Variants in SUPT3H observed in about 807,000 individuals in gnomAD.
SUPT3H encodes SPT3 homolog, SAGA and STAGA complex component.
A neutral mutation model predicts 44.3 loss-of-function variants in SUPT3H; 44 were observed. The observed-to-expected ratio is 0.99, with a 90% confidence interval of 0.78 to 1.28. The LOEUF is 1.28. SUPT3H is among the 50% of genes most tolerant of loss of function. The pLI is 0.00. For missense variants in SUPT3H, 380 were observed against 387.1 expected (o/e 0.98, Z 0.15); for synonymous variants, 124 against 125.6 (o/e 0.99, Z 0.09).
At chr6:45,268,624 A>G (rs1351789391) in intron 2 of SUPT3H, among the ~76,000 whole-genome samples, 1 of 152,202 alleles carries the variant, frequency 6.6e-6, no homozygotes, top group Non-Finnish European at 1.5e-5. Flanking sequence ...AAAGTAAACT[A>G]CAGCAGAGGC....
intron 11 of SUPT3H, among the ~76,000 whole-genome samples, chr6:44,821,323 C>T (rs1362053504): frequency 2.0e-5 from 3 of 152,088 alleles, no homozygotes; most frequent in Non-Finnish European, 4.4e-5. Flanking sequence ...TTCAAATATA[C>T]CATTAATGTG....
At chr6:45,238,345 C>T (rs1769600926) in intron 2 of SUPT3H, among the ~76,000 whole-genome samples, 1 of 152,146 alleles carries the variant, frequency 6.6e-6, no homozygotes, top group Non-Finnish European at 1.5e-5. Flanking sequence ...AGAAAGTAAC[C>T]ATATGTAGGG....
intron 2 of SUPT3H, among the ~76,000 whole-genome samples, chr6:45,320,271 T>C (rs1481302735): frequency 6.6e-6 from 1 of 152,090 alleles, no homozygotes; most frequent in African/African-American, 2.4e-5. Flanking sequence ...CCCAGGTTTT[T>C]TTTGTTTTTT....
intron 2 of SUPT3H, among the ~76,000 whole-genome samples, chr6:45,210,888 T>TA (rs1162108450): frequency 2.6e-5 from 4 of 152,150 alleles, no homozygotes; most frequent in South Asian, 2.1e-4. Flanking sequence ...GTCTTTCTCT[T>TA]AAAGATCCAA....
At chr6:45,236,533 C>G (rs1270691974) in intron 2 of SUPT3H, among the ~76,000 whole-genome samples, 2 of 152,104 alleles carry the variant, frequency 1.3e-5, no homozygotes, top group African/African-American at 4.8e-5. Context: ...CATCCCTACC[C>G]TTCTGCACCC....
intron 2 of SUPT3H, among the ~76,000 whole-genome samples, chr6:45,107,396 A>G (rs1799434615): frequency 6.6e-6 from 1 of 152,222 alleles, no homozygotes; most frequent in African/African-American, 2.4e-5. Context: ...AGAATCCAAT[A>G]TAACATTGAG....
intron 10 of SUPT3H, among the ~76,000 whole-genome samples, chr6:44,922,733 GA>G (rs777827820): frequency 1.6e-4 from 25 of 152,080 alleles, no homozygotes; most frequent in Non-Finnish European, 3.2e-4. Context: ...AGGTCAACAT[GA>G]GCAACTTAAT....
intron 10 of SUPT3H, among the ~76,000 whole-genome samples, chr6:44,888,408 T>C (rs905560162): frequency 6.6e-6 from 1 of 152,118 alleles, no homozygotes; most frequent in African/African-American, 2.4e-5. Flanking sequence ...ATCAAAAAGC[T>C]TATCCACCAT....
chr6:45,181,278 C>G (rs9369542), intron 2 of SUPT3H, among the ~76,000 whole-genome samples: 82,029 of 138,128 alleles, frequency 0.59, 24,977 homozygotes, highest in African/African-American at 0.72. Context: ...GGACTGTAAA[C>G]TAGTTCAACC....
At chr6:45,278,814 G>A (rs1174638500) in intron 2 of SUPT3H, among the ~76,000 whole-genome samples, 2 of 152,124 alleles carry the variant, frequency 1.3e-5, no homozygotes, top group East Asian at 1.9e-4. Context: ...ACTGGACTGT[G>A]AGCAACAAGC....
chr6:45,346,917 A>G (rs556959643), intron 2 of SUPT3H, among the ~76,000 whole-genome samples: 1 of 152,296 alleles, frequency 6.6e-6, no homozygotes, highest in African/African-American at 2.4e-5. Context: ...AAGTGGATGG[A>G]CAAATAAACA....
chr6:45,201,223 T>A (rs867053245), intron 2 of SUPT3H, among the ~76,000 whole-genome samples: 19 of 151,738 alleles, frequency 1.3e-4, no homozygotes, highest in African/African-American at 3.9e-4. Context: ...AACTGTCTTA[T>A]TTTTTAAAGT....
chr6:45,267,462 A>G (rs919874202), intron 2 of SUPT3H, among the ~76,000 whole-genome samples: 1 of 152,242 alleles, frequency 6.6e-6, no homozygotes, highest in East Asian at 1.9e-4. Flanking sequence ...AATGATCCCA[A>G]TGTTGTCTGC....
At chr6:44,883,402 C>T (rs1778587353) in intron 10 of SUPT3H, among the ~76,000 whole-genome samples, 1 of 152,146 alleles carries the variant, frequency 6.6e-6, no homozygotes, top group Admixed American at 6.5e-5. Context: ...AAAAACATTC[C>T]ATGCTTATGG....
chr6:44,947,715 A>G (rs1773583760), intron 9 of SUPT3H, among the ~76,000 whole-genome samples: 1 of 152,210 alleles, frequency 6.6e-6, no homozygotes. Context: ...AAATAAATCC[A>G]TTTAGATATA....
At chr6:45,355,310 A>T (rs1046826804) in intron 2 of SUPT3H, among the ~76,000 whole-genome samples, 1 of 152,138 alleles carries the variant, frequency 6.6e-6, no homozygotes. Context: ...GGTGTTAATT[A>T]TGAACTTTCT....
At chr6:45,016,175 T>C (rs1475487833) in intron 4 of SUPT3H, among the ~76,000 whole-genome samples, 3 of 152,054 alleles carry the variant, frequency 2.0e-5, no homozygotes, top group Admixed American at 6.6e-5. Context: ...GAGTCATGCA[T>C]TGCACTACAA....
intron 2 of SUPT3H, among the ~76,000 whole-genome samples, chr6:45,131,772 G>GAAAAACAGGTGAATTATAGCTT (rs1417234315): frequency 6.6e-6 from 1 of 152,102 alleles, no homozygotes; most frequent in Non-Finnish European, 1.5e-5. Flanking sequence ...CATGAATAGA[G>GAAAAACAGGTGAATTATAGCTT]AAAAACAGGT....
intron 4 of SUPT3H, among the ~76,000 whole-genome samples, chr6:45,020,255 T>C (rs1784923404): frequency 6.6e-6 from 1 of 151,890 alleles, no homozygotes; most frequent in Admixed American, 6.6e-5. Context: ...CAACAGAACA[T>C]AGAGTCAGTA....
Sources: gnomAD v4.1 joint callset for allele counts (sites outside exome capture counted in the v4.1 genomes callset) on GRCh38, gnomAD v4.1.1 for gene constraint, MANE v1.5 for transcripts, NCBI Gene and HGNC (gene_info 2026-07-23, HGNC 2026-07-21) for gene names.